The following MLLT10 variants were observed in gnomAD, a reference collection of about 807,000 sequenced individuals.
MLLT10 encodes protein AF-10.
Under a neutral mutation model 129.1 loss-of-function variants are expected in MLLT10, and 30 were observed. The observed-to-expected ratio is 0.23, with a 90% CI of 0.17 to 0.32. The LOEUF (loss-of-function observed/expected upper bound fraction) is 0.32. MLLT10 is among the 10% of genes least tolerant of loss of function. MLLT10 has a pLI of 1.00. For synonymous variants in MLLT10, 490 were observed against 446.4 expected, an observed-to-expected ratio of 1.10 and a Z score of -1.23; for missense variants, 1,119 against 1,268.3, an observed-to-expected ratio of 0.88 and a Z score of 1.79.
chr10:21,680,320 C>T (rs1453810192), intron 11 of MLLT10, among the ~76,000 whole-genome samples: 1 of 151,904 alleles, frequency 6.6e-6, no homozygotes, highest in Non-Finnish European at 1.5e-5. Context: ...ATTCTTGTGC[C>T]TCAGCCTCCC....
chr10:21,536,182 C>A (rs2033964216), intron 2 of MLLT10, among the ~76,000 whole-genome samples: 1 of 152,220 alleles, frequency 6.6e-6, no homozygotes, highest in Non-Finnish European at 1.5e-5. Context: ...CTCAGGTGAT[C>A]CTCTTGCCTC....
At chr10:21,682,406 T>A (rs1020261744) in intron 13 of MLLT10, 149 bp downstream of exon 13, 6 of 580,076 alleles carry the variant, frequency 1.0e-5, no homozygotes, top group Non-Finnish European at 1.7e-5. Context: ...AGTGAAAAAT[T>A]TTTGTAGATT....
chr10:21,603,178 G>A (rs1437736307), intron 5 of MLLT10, among the ~76,000 whole-genome samples: 3 of 150,318 alleles, frequency 2.0e-5, no homozygotes, highest in Non-Finnish European at 4.4e-5. Context: ...TCAGCCTCCC[G>A]AGTAGCTGGG....
At chr10:21,561,615 A>G (rs1234980935) in intron 3 of MLLT10, among the ~76,000 whole-genome samples, 3 of 152,146 alleles carry the variant, frequency 2.0e-5, no homozygotes, top group Non-Finnish European at 2.9e-5. Context: ...TTTTGTGTGC[A>G]GTGTAAGATA....
At chr10:21,621,175 T>TA (rs1167252869) in intron 8 of MLLT10, among the ~76,000 whole-genome samples, 2 of 142,730 alleles carry the variant, frequency 1.4e-5, no homozygotes, top group African/African-American at 2.6e-5. Flanking sequence ...TTTTTTTTTT[T>TA]AGTAGAGATG....
intron 13 of MLLT10, among the ~76,000 whole-genome samples, chr10:21,690,868 G>A (rs1282023420): frequency 6.6e-6 from 1 of 151,866 alleles, no homozygotes; most frequent in Non-Finnish European, 1.5e-5. Flanking sequence ...ATCATCTCTT[G>A]CACAGATTAT....
At chr10:21,645,894 A>G (rs2131306317) in intron 8 of MLLT10, among the ~76,000 whole-genome samples, 1 of 152,310 alleles carries the variant, frequency 6.6e-6, no homozygotes, top group Middle Eastern at 3.4e-3. Flanking sequence ...TTTGTCTTGC[A>G]CTAAACTTAA....
At chr10:21,730,477 G>A (rs544470288) in intron 16 of MLLT10, among the ~76,000 whole-genome samples, 69 of 152,148 alleles carry the variant, frequency 4.5e-4, no homozygotes, top group Non-Finnish European at 8.8e-4. Context: ...ACCTTTTACA[G>A]TATTATACTT....
intron 8 of MLLT10, among the ~76,000 whole-genome samples, chr10:21,620,344 C>G (rs1283248895): frequency 1.3e-5 from 2 of 152,178 alleles, no homozygotes; most frequent in Non-Finnish European, 2.9e-5. Context: ...ATTTTTAAAA[C>G]AGACAGTTCC....
chr10:21,604,558 C>T lies in MLLT10; in HGVS notation c.406-7790C>T, dbSNP rs377266541. Among the ~76,000 whole-genome samples the T allele has an allele frequency of 2.6e-5, 4 of 152,220 alleles. No individual in the cohort carries two copies. The East Asian group carries it at 7.7e-4, about 29-fold the overall frequency. The stretch of plus-strand genomic sequence containing the variant: ...GAGCCGAGACTGTGCCATTGCACTC[C>T]AGCCTGGGTGGCAAGAGTGAGACTG... On this transcript the variant is annotated intron_variant, in intron 5 of 22. Coordinates refer to ENST00000307729, the MANE Select transcript of MLLT10 (RefSeq NM_001195626.3).
At chr10:21,614,945 T>A in intron 7 of MLLT10, 21 bp downstream of exon 7, 1 of 1,550,636 alleles carries the variant, frequency 6.4e-7, no homozygotes, top group Non-Finnish European at 8.8e-7. Flanking sequence ...CTCTTGGATT[T>A]AATGAAATGA....
At chr10:21,731,109 A>C in intron 17 of MLLT10, 55 bp downstream of exon 17, 1 of 1,501,866 alleles carries the variant, frequency 6.7e-7, no homozygotes, top group Non-Finnish European at 9.0e-7. Flanking sequence ...ATGGACAAAC[A>C]GGCAGATGGA....
intron 10 of MLLT10, among the ~76,000 whole-genome samples, chr10:21,671,605 G>A (rs2051411058): frequency 6.6e-6 from 1 of 152,120 alleles, no homozygotes; most frequent in African/African-American, 2.4e-5. Context: ...AGGCAACATG[G>A]CAAAACCCTG....
At chr10:21,588,424 A>C (rs1048580793) in intron 4 of MLLT10, among the ~76,000 whole-genome samples, 1 of 151,964 alleles carries the variant, frequency 6.6e-6, no homozygotes. Context: ...CATGTTATCT[A>C]ATATCTAATC....
At chr10:21,676,795 T>G (rs1391178534) in intron 11 of MLLT10, among the ~76,000 whole-genome samples, 1 of 137,632 alleles carries the variant, frequency 7.3e-6, no homozygotes, top group Non-Finnish European at 1.5e-5. Flanking sequence ...AAAGCTATAA[T>G]CATGGAATAA....
intron 3 of MLLT10, among the ~76,000 whole-genome samples, chr10:21,570,897 G>A (rs1186463862): frequency 1.3e-5 from 2 of 151,898 alleles, no homozygotes; most frequent in Admixed American, 1.3e-4. Context: ...TGACTTTTTA[G>A]CCACTGTGAA....
chr10:21,739,142 C>G (rs1266859847), intron 21 of MLLT10, among the ~76,000 whole-genome samples: 1 of 152,158 alleles, frequency 6.6e-6, no homozygotes, highest in Non-Finnish European at 1.5e-5. Context: ...CAGACTGTGC[C>G]ACTTCTCAAA....
intron 5 of MLLT10, among the ~76,000 whole-genome samples, chr10:21,611,790 T>C (rs1413818277): frequency 6.6e-6 from 1 of 152,220 alleles, no homozygotes; most frequent in Non-Finnish European, 1.5e-5. Context: ...TCTTCTTCTG[T>C]AGCCCACATA....
At chr10:21,589,868 T>C (rs972827494) in intron 4 of MLLT10, among the ~76,000 whole-genome samples, 5 of 152,144 alleles carry the variant, frequency 3.3e-5, no homozygotes, top group African/African-American at 1.2e-4. Flanking sequence ...GGCAAAATTA[T>C]AGGGACATTC....
Sources: allele counts gnomAD v4.1 joint callset (sites outside exome capture counted in the v4.1 genomes callset), GRCh38; gene constraint gnomAD v4.1.1; transcripts MANE v1.5; gene names NCBI Gene and HGNC (gene_info 2026-07-23, HGNC 2026-07-21).